Variants in BDNF observed in about 807,000 individuals in gnomAD.
BDNF encodes neurotrophic factor BDNF precursor form.
A neutral mutation model predicts 19.5 loss-of-function variants in BDNF; 1 was observed. That is an observed-to-expected ratio of 0.05 (90% CI 0.02 to 0.24). The LOEUF is 0.24. Ranked by LOEUF, BDNF falls within the 10% of genes least tolerant of loss-of-function variation. BDNF has a pLI of 1.00. For missense variants in BDNF, 195 were observed against 317.6 expected, an observed-to-expected ratio of 0.61 and a Z score of 2.93; for synonymous variants, 100 against 121.6, an observed-to-expected ratio of 0.82 and a Z score of 1.17.
intron 1 of BDNF, among the ~76,000 whole-genome samples, chr11:27,693,673 C>A (rs1858602442): frequency 6.6e-6 from 1 of 152,188 alleles, no homozygotes; most frequent in South Asian, 2.1e-4. Context: ...AATTTCTCGA[C>A]CTTCAGATTC....
At chr11:27,721,536 G>T in exon 1 of BDNF, 2 of 1,027,020 alleles carry the variant, frequency 1.9e-6, no homozygotes, top group Non-Finnish European at 3.1e-6. Context: ...TCAGTGGATC[G>T]CCCACCACTT....
intron 1 of BDNF, among the ~76,000 whole-genome samples, chr11:27,678,240 T>C (rs1856429228): frequency 6.6e-6 from 1 of 152,118 alleles, no homozygotes; most frequent in East Asian, 1.9e-4. Context: ...TGTCAACATA[T>C]GGGAAAGAGC....
chr11:27,679,364 G>A (rs1856579411), intron 1 of BDNF, among the ~76,000 whole-genome samples: 1 of 152,184 alleles, frequency 6.6e-6, no homozygotes, highest in Non-Finnish European at 1.5e-5. Flanking sequence ...CTGCCCGTAA[G>A]TAAGAATTAA....
chr11:27,657,656 A>T lies in BDNF; in HGVS notation c.*165T>A, dbSNP rs1347688860. On this transcript the variant is annotated 3_prime_UTR_variant, in exon 2 of 2. Coordinates refer to ENST00000356660, the MANE Select transcript of BDNF (RefSeq NM_001709.5). The surrounding 1 kb of genome is among the most constrained non-coding windows in gnomAD (Gnocchi z 5.0). The stretch of plus-strand genomic sequence containing the variant: ...GACTGTTTCCCTTCTGGTCATGGAC[A>T]TGTCCAATAAATAGATTGTAGAACC... 19 of 1,435,520 alleles carry T rather than the reference A, an allele frequency of 1.3e-5. No individual in the cohort carries two copies. Among genetic ancestry groups the T allele is most frequent in the Non-Finnish European group, 1.7e-5 (19 of 1,101,976 alleles). The allele number at this position is 1,435,520 out of a possible 1,614,324, so 88.9% of individuals were successfully genotyped here.
chr11:27,696,534 C>T (rs1281410336), intron 1 of BDNF: 1 of 152,198 alleles, frequency 6.6e-6, no homozygotes. Context: ...TAGAATTCCA[C>T]AGAATTCTCT....
intron 1 of BDNF, chr11:27,697,838 A>G (rs1859300444): frequency 6.6e-6 from 1 of 152,216 alleles, no homozygotes; most frequent in Non-Finnish European, 1.5e-5. Flanking sequence ...GTGAAAAATT[A>G]CTGTTATTTT....
In BDNF at chr11:27,657,111, A is replaced by G; in HGVS notation, c.*710T>C. The stretch of plus-strand genomic sequence containing the variant: ...TGTTCAGTTGCCTTAATTTTTATTC[A>G]CTTTCTAGTCATCTGATCGATATTG... On this transcript the variant is annotated 3_prime_UTR_variant, in exon 2 of 2. Coordinates refer to ENST00000356660, the MANE Select transcript of BDNF (RefSeq NM_001709.5). The surrounding 1 kb of genome is among the most constrained non-coding windows in gnomAD (Gnocchi z 5.0). 1.0e-6 allele frequency: 1 copy of G among 985,320 alleles called. No homozygotes were observed. Among genetic ancestry groups the G allele is most frequent in the Non-Finnish European group, 1.2e-6 (1 of 829,616 alleles). 61.0% of individuals were successfully genotyped at this position (985,320 alleles called of 1,614,324 possible). A position where few individuals can be genotyped will look rare whatever the true frequency, so the allele number is the denominator to read the frequency against.
chr11:27,695,838 G>C (rs1858922208), intron 1 of BDNF, among the ~76,000 whole-genome samples: 3 of 151,766 alleles, frequency 2.0e-5, no homozygotes, highest in African/African-American at 7.3e-5. Context: ...TAGTATATTT[G>C]ATAAGATTTG....
chr11:27,700,492 G>A (rs919799549), upstream of BDNF: 5 of 982,070 alleles, frequency 5.1e-6, no homozygotes, highest in Admixed American at 6.2e-5. Context: ...TAGCTCTTCG[G>A]TTGAGCTTCG....
At chr11:27,669,746 G>T (rs150401994) in intron 1 of BDNF, among the ~76,000 whole-genome samples, 4 of 152,084 alleles carry the variant, frequency 2.6e-5, no homozygotes, top group African/African-American at 7.2e-5. Flanking sequence ...CACTGCTCAA[G>T]GAAATAAAAG....
intron 1 of BDNF, among the ~76,000 whole-genome samples, chr11:27,691,440 C>T (rs73446381): frequency 0.027 from 4,039 of 152,180 alleles, 181 homozygotes; most frequent in African/African-American, 0.091. Context: ...AATGAAAGAA[C>T]CATTTGCTAC....
In BDNF at chr11:27,697,057, A is replaced by G. The variant is rs982506768; in HGVS notation, c.-22+3107T>C. 3.3e-5 allele frequency among the ~76,000 whole-genome samples: 5 copies of G among 151,952 alleles called. No individual in the cohort carries two copies. In the East Asian group the frequency reaches 9.7e-4, roughly 29 times the overall value. ...CCTTAAGAGTAAGTCTACGATTGAG[A>G]CCCAAAGCTGCTGGCTGTGTTATAT... is the stretch of plus-strand genomic sequence containing the variant. On this transcript the variant is annotated intron_variant, in intron 1 of 1. Coordinates refer to ENST00000356660, the MANE Select transcript of BDNF (RefSeq NM_001709.5).
At chr11:27,670,011 T>C (rs375407927) in intron 1 of BDNF, among the ~76,000 whole-genome samples, 29 of 152,006 alleles carry the variant, frequency 1.9e-4, no homozygotes, top group African/African-American at 6.5e-4. Flanking sequence ...TCAAACTATA[T>C]TACAAGGCTA....
chr11:27,661,855 C>T (rs1404404287), intron 1 of BDNF, among the ~76,000 whole-genome samples: 1 of 152,166 alleles, frequency 6.6e-6, no homozygotes, highest in East Asian at 1.9e-4. Flanking sequence ...CTCTCACTTG[C>T]TGCCAAAATC....
chr11:27,685,769 T>A (rs1254907837), intron 1 of BDNF, among the ~76,000 whole-genome samples: 1 of 152,242 alleles, frequency 6.6e-6, no homozygotes, highest in Non-Finnish European at 1.5e-5. Context: ...AGAGACTGTT[T>A]GTTATGATTT....
At chr11:27,698,413 C>T (rs1374942645) in intron 1 of BDNF, among the ~76,000 whole-genome samples, 1 of 152,078 alleles carries the variant, frequency 6.6e-6, no homozygotes, top group African/African-American at 2.4e-5. Flanking sequence ...CATGCCATAA[C>T]ATCAGAAATC....
chr11:27,699,364 C>G (rs1172260393), intron 1 of BDNF: 1 of 1,614,016 alleles, frequency 6.2e-7, no homozygotes. Flanking sequence ...TATTTCTTTC[C>G]AGGAGTAACT....
In BDNF at chr11:27,658,514, C is replaced by T; in HGVS notation, c.51G>A (p.Lys17=). The change falls in exon 2 of 2, where the codon AAG becomes AAA. Residue 17 remains lysine, a synonymous_variant. Coordinates refer to ENST00000356660, the MANE Select transcript of BDNF (RefSeq NM_001709.5). The surrounding 1 kb of genome is among the most constrained non-coding windows in gnomAD (Gnocchi z 5.7). The part of the protein sequence containing the change: ...TMVISYFGCM[K]AAPMKEANIR... ...TGTTTGCTTCTTTCATGGGGGCAGC[C>T]TTCATGCAACCAAAGTATGAAATAA... The T allele has an allele frequency of 1.2e-6, 2 of 1,614,172 alleles. No individual in the cohort carries two copies. The highest frequency in any genetic ancestry group is 1.7e-6 in the Non-Finnish European group (2 of 1,180,040).
At chr11:27,699,236 C>G in intron 1 of BDNF, 1 of 1,185,164 alleles carries the variant, frequency 8.4e-7, no homozygotes. Flanking sequence ...CCCCAACACA[C>G]AAACACTGCA....
Sources: allele counts gnomAD v4.1 joint callset (sites outside exome capture counted in the v4.1 genomes callset), GRCh38; gene constraint gnomAD v4.1.1; non-coding constraint Gnocchi (gnomAD v3.1); transcripts MANE v1.5; gene names NCBI Gene and HGNC (gene_info 2026-07-23, HGNC 2026-07-21).